KCNC2: variants seen among roughly 807,000 people sequenced by gnomAD.
The protein encoded by KCNC2 is potassium voltage-gated channel subfamily C member 2.
Under a neutral mutation model 44.5 loss-of-function variants are expected in KCNC2, and 21 were observed. The observed-to-expected ratio is 0.47, with a 90% CI of 0.33 to 0.68. KCNC2 has a LOEUF of 0.68. KCNC2 is among the 30% of genes least tolerant of loss of function. The pLI, the probability that KCNC2 is intolerant of heterozygous loss-of-function variation, is 0.01. For synonymous variants in KCNC2, 391 were observed against 339.1 expected, an observed-to-expected ratio of 1.15 and a Z score of -1.68; for missense variants, 589 against 826.2, an observed-to-expected ratio of 0.71 and a Z score of 3.52.
At chr12:75,085,836 A>G (rs1884950340) in intron 2 of KCNC2, among the ~76,000 whole-genome samples, 1 of 152,092 alleles carries the variant, frequency 6.6e-6, no homozygotes, top group South Asian at 2.1e-4. Flanking sequence ...TTCTCAAAAT[A>G]TAAAGAACAA....
At chr12:75,117,348 C>T (rs1022157837) in intron 2 of KCNC2, among the ~76,000 whole-genome samples, 1 of 152,172 alleles carries the variant, frequency 6.6e-6, no homozygotes, top group African/African-American at 2.4e-5. Flanking sequence ...TTGACTACAA[C>T]CACCAATGGG....
At chr12:75,109,252 A>G (rs12422503) in intron 2 of KCNC2, among the ~76,000 whole-genome samples, 25,180 of 152,156 alleles carry the variant, frequency 0.17, 2,177 homozygotes, top group Middle Eastern at 0.24. Context: ...CCAAAAGACA[A>G]CATGTCTTGA....
At chr12:75,127,368 A>T (rs1049418237) in intron 2 of KCNC2, among the ~76,000 whole-genome samples, 1 of 152,188 alleles carries the variant, frequency 6.6e-6, no homozygotes, top group Non-Finnish European at 1.5e-5. Context: ...CTATGGCTTT[A>T]TGGAACTACG....
chr12:75,124,401 C>G (rs567185606), intron 2 of KCNC2, among the ~76,000 whole-genome samples: 7 of 152,208 alleles, frequency 4.6e-5, no homozygotes, highest in South Asian at 4.2e-4. Flanking sequence ...AACATGAACT[C>G]TTGGTAGAGA....
chr12:75,066,158 TA>T (rs1289220228), intron 2 of KCNC2, among the ~76,000 whole-genome samples: 1 of 152,164 alleles, frequency 6.6e-6, no homozygotes, highest in Non-Finnish European at 1.5e-5. Context: ...TTCATTTATT[TA>T]GCACTATTTT....
At chr12:75,195,180 T>C (rs2030653701) in intron 2 of KCNC2, among the ~76,000 whole-genome samples, 1 of 152,168 alleles carries the variant, frequency 6.6e-6, no homozygotes, top group Non-Finnish European at 1.5e-5. Context: ...AATAAAGTAG[T>C]AGCAATATAA....
At chr12:75,135,378 G>C (rs1043950180) in intron 2 of KCNC2, among the ~76,000 whole-genome samples, 7 of 152,010 alleles carry the variant, frequency 4.6e-5, no homozygotes, top group African/African-American at 1.2e-4. Context: ...TGTTATTCCA[G>C]TTGTACATTC....
chr12:75,093,531 T>C (rs1190405610), intron 2 of KCNC2, among the ~76,000 whole-genome samples: 3 of 151,674 alleles, frequency 2.0e-5, no homozygotes, highest in African/African-American at 7.2e-5. Context: ...TTACAGCTTA[T>C]TCATAAATGA....
chr12:75,154,143 G>C (rs576215957), intron 2 of KCNC2, among the ~76,000 whole-genome samples: 2 of 151,986 alleles, frequency 1.3e-5, no homozygotes, highest in African/African-American at 4.8e-5. Context: ...ATTCCATTGA[G>C]TGCTTTCATG....
At chr12:75,154,037 T>C (rs924235905) in intron 2 of KCNC2, among the ~76,000 whole-genome samples, 5 of 152,016 alleles carry the variant, frequency 3.3e-5, no homozygotes, top group African/African-American at 9.7e-5. Context: ...ACTCACATTG[T>C]TCAAGAGTCA....
At chr12:75,069,127 A>ACCTTTTTTTT (rs1883125341) in intron 2 of KCNC2, among the ~76,000 whole-genome samples, 1 of 33,902 alleles carries the variant, frequency 2.9e-5, no homozygotes, top group Non-Finnish European at 6.4e-5. Context: ...ATTTTATATA[A>ACCTTTTTTTT]TCTTTTTTTT....
At chr12:75,065,397 T>C (rs1432740707) in intron 2 of KCNC2, among the ~76,000 whole-genome samples, 1 of 152,088 alleles carries the variant, frequency 6.6e-6, no homozygotes, top group Non-Finnish European at 1.5e-5. Flanking sequence ...CACTTTGAAA[T>C]TAATAAACAT....
intron 2 of KCNC2, among the ~76,000 whole-genome samples, chr12:75,197,061 A>G (rs770622168): frequency 2.0e-5 from 3 of 152,088 alleles, no homozygotes; most frequent in Non-Finnish European, 4.4e-5. Flanking sequence ...CCCAAATCCC[A>G]CTGAATGAGG....
intron 2 of KCNC2, among the ~76,000 whole-genome samples, chr12:75,160,077 C>G (rs1482937951): frequency 6.6e-6 from 1 of 151,824 alleles, no homozygotes; most frequent in Non-Finnish European, 1.5e-5. Context: ...GGCCTAACCC[C>G]CAGTACCACA....
intron 2 of KCNC2, among the ~76,000 whole-genome samples, chr12:75,060,622 C>T (rs12304634): frequency 0.032 from 4,862 of 151,950 alleles, 232 homozygotes; most frequent in African/African-American, 0.11. Flanking sequence ...TGTGCCACCA[C>T]ACCTGGCTAA....
At chr12:75,074,558 T>C (rs572440169) in intron 2 of KCNC2, among the ~76,000 whole-genome samples, 1 of 152,258 alleles carries the variant, frequency 6.6e-6, no homozygotes, top group South Asian at 2.1e-4. Flanking sequence ...ACTTAGACAT[T>C]TAGTCTTGAT....
chr12:75,048,168 C>T lies in KCNC2; in HGVS notation c.1765G>A (p.Gly589Arg), dbSNP rs1322526700. 1 of 1,612,818 alleles carries T rather than the reference C, an allele frequency of 6.2e-7. No homozygotes were observed. The highest frequency in any genetic ancestry group is 8.5e-7 in the Non-Finnish European group (1 of 1,179,220). ...TTGDYTCASD[G>R]GIRKGYEKSR... ...GCATGCCTACCTTTCCTGATCCCTC[C>T]ATCAGAAGCACACGTGTAATCACCT... Residue 589 changes from glycine to arginine, a missense_variant, in exon 4 of 5, where the codon GGA (glycine) becomes AGA (arginine). Transcript: ENST00000549446.
chr12:75,152,231 A>T (rs910629030), intron 2 of KCNC2, among the ~76,000 whole-genome samples: 9 of 150,946 alleles, frequency 6.0e-5, no homozygotes, highest in Non-Finnish European at 1.3e-4. Context: ...TCCCAAGCAG[A>T]ATTAATAAAA....
chr12:75,135,730 A>G (rs923558937), intron 2 of KCNC2, among the ~76,000 whole-genome samples: 12 of 152,048 alleles, frequency 7.9e-5, no homozygotes, highest in African/African-American at 1.9e-4. Context: ...GACTATTACA[A>G]TAGATTTGAT....
Sources: gnomAD v4.1 joint callset for allele counts (sites outside exome capture counted in the v4.1 genomes callset) on GRCh38, gnomAD v4.1.1 for gene constraint, MANE v1.5 for transcripts, NCBI Gene and HGNC (gene_info 2026-07-23, HGNC 2026-07-21) for gene names.